The following KRT40 variants were observed in gnomAD, a reference collection of about 807,000 sequenced individuals.
The protein encoded by KRT40 is keratin, type I cytoskeletal 40.
In KRT40, 47 loss-of-function variants were observed where a neutral mutation model predicts 43.5. The observed-to-expected ratio is 1.08, with a 90% CI of 0.86 to 1.38. The LOEUF is 1.38. KRT40 is among the 40% of genes most tolerant of loss of function. The probability of loss-of-function intolerance (pLI) is 0.00; values close to 1 mark genes in which losing one functional copy is unlikely to be tolerated. For synonymous variants in KRT40, 212 were observed against 214.0 expected (o/e 0.99, Z 0.08); for missense variants, 573 against 523.6 (o/e 1.09, Z -0.92).
upstream of KRT40, among the ~76,000 whole-genome samples, chr17:40,984,531 C>G (rs1361939219): frequency 6.6e-6 from 1 of 152,136 alleles, no homozygotes; most frequent in East Asian, 1.9e-4. Flanking sequence ...TTTCCATGTG[C>G]AAGACAAAAC....
rs1159995751 is a variant in KRT40 at position 40,978,384 on chromosome 17, C to A, written c.1197-88G>T. 4.7e-6 allele frequency: 5 copies of A among 1,068,330 alleles called. No individual in the cohort carries two copies. In the East Asian group the frequency reaches 7.1e-5, roughly 15 times the overall value. The allele number at this position is 1,068,330 out of a possible 1,614,324, so 66.2% of individuals were successfully genotyped here. On this transcript the variant is annotated intron_variant, in intron 6 of 6. Transcript: ENST00000377755. ...AAAAACCGTGTCAAAATTTGCCCTACAAATTATGTTCTGAAAAAAACTCTG... is the reference window on the plus strand; with the variant it reads ...AAAAACCGTGTCAAAATTTGCCCTAAAAATTATGTTCTGAAAAAAACTCTG...
rs774698453 is a variant in KRT40, at chr17:40,983,079, T to C, written c.497A>G (p.Asn166Ser). The change falls in exon 2 of 7, where the codon AAC (asparagine) becomes AGC (serine). Residue 166 changes from asparagine (N) to serine (S), a missense_variant. Physicochemically the swap from Asn to Ser is conservative, Grantham distance 46 (BLOSUM62 1). Transcript: ENST00000377755. ...ENSRLAVQLD[N>S]CKLATDDFKS... is the part of the protein sequence containing the mutation. ...AAAGTCATCAGTGGCCAGTTTGCAG[T>C]TGTCAAGCTGTACAGCAAGTCTAGA... 1.1e-5 allele frequency: 17 copies of C among 1,507,116 alleles called. No homozygotes were observed. In the South Asian group the frequency reaches 1.8e-4, roughly 16 times the overall value. 93.4% of individuals were successfully genotyped at this position (1,507,116 alleles called of 1,614,324 possible).
intron 3 of KRT40, among the ~76,000 whole-genome samples, chr17:40,981,995 C>T (rs1419741159): frequency 3.3e-5 from 5 of 152,240 alleles, no homozygotes; most frequent in African/African-American, 9.6e-5. Context: ...TCTCCTGCCT[C>T]AGCCTCCCGA....
chr17:40,982,975 T>C, intron 2 of KRT40, 71 bp downstream of exon 2: 1 of 694,808 alleles, frequency 1.4e-6, no homozygotes. Flanking sequence ...ACCATTGAGC[T>C]CTAGCCTGGG....
At position 40,980,848 on chromosome 17, in the gene KRT40, C is replaced by T. The variant is rs745854053; in HGVS notation, c.912G>A (p.Glu304=). The T allele has an allele frequency of 3.7e-6, 6 of 1,613,308 alleles. No homozygotes were observed. Among genetic ancestry groups the T allele is most frequent in the Non-Finnish European group, 4.2e-6 (5 of 1,179,960 alleles). ...SAEQLQGCQM[E]ILELKRTASA... ...TGGCTGTGCGTTTCAGTTCCAAGATCTCCATCTGGCAGCCCTGCAGCTGCT... is the reference window on the plus strand; with the variant it reads ...TGGCTGTGCGTTTCAGTTCCAAGATTTCCATCTGGCAGCCCTGCAGCTGCT... The change falls in exon 5 of 7, where the codon GAG becomes GAA. Residue 304 remains glutamate, a synonymous_variant. Transcript: ENST00000377755.
At chr17:40,981,910 G>T (rs4375719) in intron 3 of KRT40, among the ~76,000 whole-genome samples, 2 of 151,684 alleles carry the variant, frequency 1.3e-5, no homozygotes, top group African/African-American at 2.4e-5. Context: ...ATGGAGTCTC[G>T]CCCTGTCACC....
At position 40,980,875 on chromosome 17, in the gene KRT40, C is replaced by T. The variant is rs369156729; in HGVS notation, c.885G>A (p.Ala295=). The T allele has an allele frequency of 1.1e-5, 17 of 1,613,686 alleles. No individual in the cohort carries two copies. The highest frequency in any genetic ancestry group is 1.6e-4 in the Middle Eastern group (1 of 6,062). The change falls in exon 5 of 7, where the codon GCG becomes GCA. Residue 295 remains alanine, a synonymous_variant. Transcript: ENST00000377755. ...CCATCTGGCAGCCCTGCAGCTGCTC[C>T]GCGCTGGACAGTTGCTGCTGATTCA... ...EELNQQQLSS[A]EQLQGCQMEI... is the part of the protein sequence containing the mutation.
chr17:40,980,882 G>A lies in KRT40; in HGVS notation c.878C>T (p.Ser293Phe). ...GCAGCCCTGCAGCTGCTCCGCGCTG[G>A]ACAGTTGCTGCTGATTCAGCTCTTC... ...QTEELNQQQL[S>F]SAEQLQGCQM... Residue 293 changes from serine (S) to phenylalanine (F), a missense_variant, in exon 5 of 7, where the codon TCC becomes TTC. By Grantham distance (155) the Ser-to-Phe change is radical (BLOSUM62 -2). Coordinates refer to ENST00000377755, the MANE Select transcript of KRT40 (RefSeq NM_001389244.1). 1 of 1,614,024 alleles carries A rather than the reference G, an allele frequency of 6.2e-7. No individual in the cohort carries two copies. Among genetic ancestry groups the A allele is most frequent in the Non-Finnish European group, 8.5e-7 (1 of 1,180,014 alleles).
chr17:40,979,332 G>A (rs1432674080), intron 5 of KRT40, among the ~76,000 whole-genome samples: 2 of 151,960 alleles, frequency 1.3e-5, no homozygotes, highest in Non-Finnish European at 1.5e-5. Flanking sequence ...TGGCTAACAC[G>A]GTGAAACCCC....
intron 5 of KRT40, 126 bp from the exon 6 acceptor site, chr17:40,979,150 A>C: frequency 1.5e-6 from 1 of 677,608 alleles, no homozygotes; most frequent in South Asian, 1.8e-5. Flanking sequence ...AGCTTCTGTG[A>C]GTCTCAGTTT....
chr17:40,977,955 A>C lies in KRT40; in HGVS notation c.*242T>G. On this transcript the variant is annotated 3_prime_UTR_variant, in exon 7 of 7. Transcript: ENST00000377755. ...CCATAGAGCTATATTTACCACGCTAAAGGAATAAAACACGTTTTATTTGGA... is the reference window on the plus strand; with the variant it reads ...CCATAGAGCTATATTTACCACGCTACAGGAATAAAACACGTTTTATTTGGA... 2.3e-6 allele frequency: 1 copy of C among 443,820 alleles called. No individual in the cohort carries two copies. The highest frequency in any genetic ancestry group is 4.1e-6 in the Non-Finnish European group (1 of 244,780). The allele number at this position is 443,820 out of a possible 1,614,324, so 27.5% of individuals were successfully genotyped here. A position where few individuals can be genotyped will look rare whatever the true frequency, so the allele number is the denominator to read the frequency against.
chr17:40,984,684 G>T (rs1454151282), upstream of KRT40, among the ~76,000 whole-genome samples: 1 of 152,172 alleles, frequency 6.6e-6, no homozygotes, highest in Admixed American at 6.5e-5. Flanking sequence ...TGATTCTGTG[G>T]ATTGATTGCT....
upstream of KRT40, chr17:40,986,860 T>C (rs1912492216): frequency 1.3e-5 from 2 of 152,206 alleles, no homozygotes; most frequent in African/African-American, 4.8e-5. Flanking sequence ...CGCCTTCCAC[T>C]TATGGAATGC....
In KRT40 at chr17:40,984,319, C is replaced by T. The variant is rs149239458; in HGVS notation, c.-46G>A. 1.5e-4 allele frequency: 221 copies of T among 1,460,634 alleles called. 2 individuals carry two copies. The African/African-American group carries it at 2.5e-3, about 17-fold the overall frequency. The allele number at this position is 1,460,634 out of a possible 1,614,324, so 90.5% of individuals were successfully genotyped here. ...AGACTGGCTGCAAAACTTCAGTTGC[C>T]TTGACTCCAAAACTCTCCTCTCCTG... is the stretch of plus-strand genomic sequence containing the variant. On this transcript the variant is annotated 5_prime_UTR_variant, in exon 1 of 7. Transcript: ENST00000377755.
chr17:40,980,709 G>A (rs1335829593), intron 5 of KRT40, 76 bp downstream of exon 5: 18 of 1,490,624 alleles, frequency 1.2e-5, no homozygotes, highest in East Asian at 1.1e-4. Flanking sequence ...TGTGATCCTC[G>A]GATATGGAAG....
Position 40,984,114 on chromosome 17 carries a change from C to A in KRT40, c.160G>T (p.Gly54Trp). Residue 54 changes from glycine to tryptophan, a missense_variant, in exon 1 of 7, where the codon GGG becomes TGG. Coordinates refer to ENST00000377755, the MANE Select transcript of KRT40 (RefSeq NM_001389244.1). Reference protein sequence around the residue: ...QTPSFLSRSRGLTGCLLPCYF... With the variant: ...QTPSFLSRSRWLTGCLLPCYF... ...CATGGCAGGAGGCAACCAGTCAGCC[C>A]GCGAGACCTGGATAGGAAGCTTGGA... The A allele has an allele frequency of 1.9e-6, 3 of 1,614,066 alleles. No individual in the cohort carries two copies. Among genetic ancestry groups the A allele is most frequent in the Non-Finnish European group, 2.5e-6 (3 of 1,180,010 alleles).
In KRT40 at chr17:40,981,076, T is replaced by C; in HGVS notation, c.763A>G (p.Asn255Asp). The change falls in exon 4 of 7, where the codon AAC becomes GAC. Residue 255 changes from asparagine to aspartate, a missense_variant. Physicochemically the swap from Asn to Asp is conservative, Grantham distance 23. Transcript: ENST00000377755. ...CAGCGCATCTCATCCAGGACCCTGTTGAGGTCAAGGGTGGGGGCAGTGTCC... is the reference window on the plus strand; with the variant it reads ...CAGCGCATCTCATCCAGGACCCTGTCGAGGTCAAGGGTGGGGGCAGTGTCC... ...ELDTAPTLDL[N>D]RVLDEMRCQC... 1 of 1,614,238 alleles carries C rather than the reference T, an allele frequency of 6.2e-7. No homozygotes were observed. The highest frequency in any genetic ancestry group is 8.5e-7 in the Non-Finnish European group (1 of 1,180,040).
chr17:40,978,666 A>T, intron 6 of KRT40, 138 bp downstream of exon 6: 1 of 677,486 alleles, frequency 1.5e-6, no homozygotes, highest in Non-Finnish European at 2.5e-6. Context: ...AACCTCAGCC[A>T]CTTTTCAGCA....
chr17:40,978,792 T>G lies in KRT40; in HGVS notation c.1196+12A>C. The G allele has an allele frequency of 6.2e-7, 1 of 1,605,710 alleles. No individual in the cohort carries two copies. The highest frequency in any genetic ancestry group is 8.5e-7 in the Non-Finnish European group (1 of 1,174,590). ...GACTCTGGGGGATTTCATGAGTAACTGTGGAACTTGCCTGCTGTCCTCGCT... is the reference window on the plus strand; with the variant it reads ...GACTCTGGGGGATTTCATGAGTAACGGTGGAACTTGCCTGCTGTCCTCGCT... On this transcript the variant is annotated intron_variant, in intron 6 of 6. Transcript: ENST00000377755.
Sources: gnomAD v4.1 joint callset for allele counts (sites outside exome capture counted in the v4.1 genomes callset) on GRCh38, gnomAD v4.1.1 for gene constraint, MANE v1.5 for transcripts, NCBI Gene and HGNC (gene_info 2026-07-23, HGNC 2026-07-21) for gene names.